PRKCZ: variants seen among roughly 807,000 people sequenced by gnomAD.
The protein encoded by PRKCZ is protein kinase C zeta.
In PRKCZ, 33 loss-of-function variants were observed where a neutral mutation model predicts 79.5. That is an observed-to-expected ratio of 0.41 (90% CI 0.31 to 0.55). The LOEUF is 0.55. PRKCZ is among the 20% of genes least tolerant of loss of function. PRKCZ has a pLI of 0.19. For missense variants in PRKCZ, 578 were observed against 813.5 expected (o/e 0.71, Z 3.52); for synonymous variants, 342 against 320.9 (o/e 1.07, Z -0.70).
intron 4 of PRKCZ, chr1:2,073,369 C>A: frequency 6.5e-6 from 1 of 152,926 alleles, no homozygotes; most frequent in Non-Finnish European, 1.5e-5. Context: ...GCTCGGGGCC[C>A]TTGGCCATTG....
chr1:2,100,944 C>G (rs972434609), intron 4 of PRKCZ, among the ~76,000 whole-genome samples: 1 of 151,408 alleles, frequency 6.6e-6, no homozygotes, highest in Non-Finnish European at 1.5e-5. Flanking sequence ...GGCTGGGGCT[C>G]CTGGCCAGTT....
chr1:2,170,497 A>T (rs1684222934), intron 11 of PRKCZ, among the ~76,000 whole-genome samples: 1 of 152,258 alleles, frequency 6.6e-6, no homozygotes, highest in Admixed American at 6.5e-5. Context: ...CTGTGGCAAC[A>T]CACAACATAA....
At chr1:2,071,370 G>A (rs779067699) in intron 4 of PRKCZ, 3 of 457,894 alleles carry the variant, frequency 6.6e-6, no homozygotes, top group East Asian at 6.9e-5. Context: ...AGAGGAGGCG[G>A]CCAAACCTAG....
At chr1:2,097,786 C>T (rs183416726) in intron 4 of PRKCZ, among the ~76,000 whole-genome samples, 7 of 152,292 alleles carry the variant, frequency 4.6e-5, no homozygotes, top group African/African-American at 7.2e-5. Flanking sequence ...AAATAGCACT[C>T]GAACATAAAT....
At chr1:2,069,224 T>C (rs1661368450) in intron 4 of PRKCZ, among the ~76,000 whole-genome samples, 1 of 152,156 alleles carries the variant, frequency 6.6e-6, no homozygotes, top group African/African-American at 2.4e-5. Context: ...TGAGATCCTC[T>C]AGCCTTTGGC....
At chr1:2,076,727 G>C (rs1662487555) in intron 4 of PRKCZ, among the ~76,000 whole-genome samples, 1 of 149,500 alleles carries the variant, frequency 6.7e-6, no homozygotes, top group African/African-American at 2.5e-5. Context: ...GGGCAACAGA[G>C]CGAGACTCCA....
chr1:2,154,039 T>C (rs2103261728), intron 9 of PRKCZ, among the ~76,000 whole-genome samples: 2 of 152,258 alleles, frequency 1.3e-5, no homozygotes, highest in South Asian at 4.2e-4. Context: ...CCACTCAGTT[T>C]GGGTGCTGAG....
At chr1:2,131,049 C>T (rs1416287271) in intron 4 of PRKCZ, among the ~76,000 whole-genome samples, 1 of 152,206 alleles carries the variant, frequency 6.6e-6, no homozygotes, top group Non-Finnish European at 1.5e-5. Context: ...ATCATGGGCT[C>T]GGACCTTCCA....
At position 2,174,107 on chromosome 1, in the gene PRKCZ, C is replaced by G. The variant is rs1684990351; in HGVS notation, c.1405+91C>G. On this transcript the variant is annotated intron_variant, in intron 14 of 17. Coordinates refer to ENST00000378567, the MANE Select transcript of PRKCZ (RefSeq NM_002744.6). This position sits in a 1 kb window ranked among gnomAD's most constrained non-coding sequence, Gnocchi z 6.2. Reference sequence around the variant, plus strand: ...GCAGGTGGAGGGGTCCCGCGGGTGCCTGGAGCGGCAGTGCCATGCAAAGCG... The same window carrying G: ...GCAGGTGGAGGGGTCCCGCGGGTGCGTGGAGCGGCAGTGCCATGCAAAGCG... The G allele has an allele frequency of 2.8e-6, 4 of 1,444,842 alleles. 2 individuals carry two copies. The South Asian group carries it at 5.6e-5, about 20-fold the overall frequency. 89.5% of individuals were successfully genotyped at this position (1,444,842 alleles called of 1,614,324 possible).
intron 1 of PRKCZ, 119 bp downstream of exon 1, chr1:2,050,820 C>T (rs1659569433): frequency 4.7e-6 from 3 of 636,586 alleles, no homozygotes; most frequent in Non-Finnish European, 4.4e-6. Flanking sequence ...TCGCTGCGGG[C>T]CCGGGGCTGT....
rs559625990 is a variant in PRKCZ, at chr1:2,168,687, G to A, written c.975-831G>A. Among the ~76,000 whole-genome samples, 5 of 152,130 alleles carry A rather than the reference G, an allele frequency of 3.3e-5. No individual in the cohort carries two copies. The South Asian group carries it at 6.2e-4, about 19-fold the overall frequency. ...GAGCTTGCGTGGGATCGAAGGAAAC[G>A]GGCAGAGTCACCACACGCTTCCCTC... On this transcript the variant is annotated intron_variant, in intron 10 of 17. Transcript: ENST00000378567. This position sits in a 1 kb window ranked among gnomAD's most constrained non-coding sequence, Gnocchi z 4.7.
intron 4 of PRKCZ, among the ~76,000 whole-genome samples, chr1:2,065,947 G>A (rs1164985787): frequency 6.6e-6 from 1 of 151,848 alleles, no homozygotes. Context: ...TTGTTAATGT[G>A]GTATATTACT....
In PRKCZ at chr1:2,073,074, G is replaced by C. The variant is rs929332874; in HGVS notation, c.334+13483G>C. On this transcript the variant is annotated intron_variant, in intron 4 of 17. Transcript: ENST00000378567. ...GGTCAGGCCACCCAGCGGCGGTGGC[G>C]GCTCTGGGTCTCCCTAGGAGCCCGG... 3.9e-4 allele frequency among the ~76,000 whole-genome samples: 60 copies of C among 152,258 alleles called. 1 individual carries two copies. The highest frequency in any genetic ancestry group is 1.3e-3 in the African/African-American group (56 of 41,558).
At position 2,050,591 on chromosome 1, in the gene PRKCZ, T is replaced by C. The variant is rs1357922948; in HGVS notation, c.-40T>C. 8.4e-6 allele frequency: 10 copies of C among 1,192,696 alleles called. No individual in the cohort carries two copies. In the Admixed American group the frequency reaches 2.6e-4, roughly 31 times the overall value. 73.9% of individuals were successfully genotyped at this position (1,192,696 alleles called of 1,614,324 possible). A position where few individuals can be genotyped will look rare whatever the true frequency, so the allele number is the denominator to read the frequency against. On this transcript the variant is annotated 5_prime_UTR_variant, in exon 1 of 18. Coordinates refer to ENST00000378567, the MANE Select transcript of PRKCZ (RefSeq NM_002744.6). ...CCCCGCCCCGCGCCATGGCCGGAGCTCCCGGGGCGCAGCGCTGACGGCGGC... is the reference window on the plus strand; with the variant it reads ...CCCCGCCCCGCGCCATGGCCGGAGCCCCCGGGGCGCAGCGCTGACGGCGGC...
intron 4 of PRKCZ, among the ~76,000 whole-genome samples, chr1:2,124,343 AG>A (rs1557627807): frequency 6.8e-5 from 9 of 132,524 alleles, no homozygotes; most frequent in African/African-American, 2.6e-4. Flanking sequence ...GGTGGTGGTT[AG>A]GGTCACGGCG....
chr1:2,098,110 C>CAGGTGACCAGGAATGACTA (rs55716481), intron 4 of PRKCZ, among the ~76,000 whole-genome samples: 1 of 151,690 alleles, frequency 6.6e-6, no homozygotes, highest in African/African-American at 2.4e-5. Context: ...AAGGTCAGAG[C>CAGGTGACCAGGAATGACTA]AGGTGACCAG....
intron 6 of PRKCZ, 25 bp downstream of exon 6, chr1:2,144,366 CG>C (rs776846383): frequency 2.6e-6 from 4 of 1,554,180 alleles, no homozygotes; most frequent in Non-Finnish European, 3.5e-6. Context: ...TGGGGAGGCC[CG>C]GGGGGCACGG....
At chr1:2,117,566 C>G (rs1056384733) in intron 4 of PRKCZ, among the ~76,000 whole-genome samples, 2 of 152,110 alleles carry the variant, frequency 1.3e-5, no homozygotes, top group East Asian at 3.9e-4. Context: ...ACTGTTGATC[C>G]TTCCAAAACA....
chr1:2,170,884 C>T (rs560323719), intron 11 of PRKCZ, among the ~76,000 whole-genome samples: 2 of 152,324 alleles, frequency 1.3e-5, no homozygotes, highest in Admixed American at 6.5e-5. Context: ...TTTGCTTATC[C>T]GTCCATCCCT....
Sources: allele counts gnomAD v4.1 joint callset (sites outside exome capture counted in the v4.1 genomes callset), GRCh38; gene constraint gnomAD v4.1.1; non-coding constraint Gnocchi (gnomAD v3.1); transcripts MANE v1.5; gene names NCBI Gene and HGNC (gene_info 2026-07-23, HGNC 2026-07-21).